Variants in BTRC observed in about 807,000 individuals in gnomAD.
BTRC encodes the protein beta-transducin repeat containing E3 ubiquitin protein ligase, also known as F-box/WD repeat-containing protein 1A.
In BTRC, 42 loss-of-function variants were observed where a neutral mutation model predicts 85.5. The observed-to-expected ratio is 0.49, with a 90% CI of 0.38 to 0.64. The LOEUF (loss-of-function observed/expected upper bound fraction) is 0.64, where lower values mean the gene tolerates loss of function less well. BTRC is among the 30% of genes least tolerant of loss of function. The pLI, the probability that BTRC is intolerant of heterozygous loss-of-function variation, is 0.00. For synonymous variants in BTRC, 255 were observed against 263.3 expected (o/e 0.97, Z 0.30); for missense variants, 594 against 743.5 (o/e 0.80, Z 2.34).
intron 9 of BTRC, among the ~76,000 whole-genome samples, chr10:101,534,070 C>A (rs2062344139): frequency 6.6e-6 from 1 of 152,090 alleles, no homozygotes; most frequent in Non-Finnish European, 1.5e-5. Flanking sequence ...TATAATCACA[C>A]AAAATTCTCA....
intron 4 of BTRC, among the ~76,000 whole-genome samples, chr10:101,501,211 C>T (rs1946393207): frequency 1.3e-5 from 2 of 151,766 alleles, no homozygotes; most frequent in Non-Finnish European, 2.9e-5. Flanking sequence ...GAGGTGTATG[C>T]TTAAACGCCA....
chr10:101,460,679 C>T (rs1473485373), intron 2 of BTRC, among the ~76,000 whole-genome samples: 2 of 152,132 alleles, frequency 1.3e-5, no homozygotes, highest in African/African-American at 4.8e-5. Flanking sequence ...TTTTTTATCT[C>T]TCAGTATCTT....
intron 2 of BTRC, among the ~76,000 whole-genome samples, chr10:101,453,949 C>T (rs574608069): frequency 6.6e-6 from 1 of 152,216 alleles, no homozygotes; most frequent in South Asian, 2.1e-4. Flanking sequence ...ACAGACAAAT[C>T]GTAAATGGAT....
chr10:101,394,968 C>T (rs992877658), intron 1 of BTRC, among the ~76,000 whole-genome samples: 1 of 152,146 alleles, frequency 6.6e-6, no homozygotes, highest in African/African-American at 2.4e-5. Context: ...GATAATTCAC[C>T]AATCCTGTCA....
chr10:101,534,311 A>G (rs1454765144), intron 9 of BTRC, among the ~76,000 whole-genome samples: 4 of 152,188 alleles, frequency 2.6e-5, no homozygotes, highest in Admixed American at 6.5e-5. Context: ...CTGGCTCCTG[A>G]GGGCTATCAT....
chr10:101,527,642 C>T (rs1021474699), intron 6 of BTRC, among the ~76,000 whole-genome samples: 3 of 151,988 alleles, frequency 2.0e-5, no homozygotes, highest in Admixed American at 6.6e-5. Flanking sequence ...TAATCCCAGC[C>T]ACTCAGGAGG....
intron 3 of BTRC, among the ~76,000 whole-genome samples, chr10:101,472,713 G>A (rs1378409352): frequency 6.6e-6 from 1 of 152,158 alleles, no homozygotes; most frequent in African/African-American, 2.4e-5. Context: ...TACTTGGGAG[G>A]CTGAGGCAGG....
intron 1 of BTRC, among the ~76,000 whole-genome samples, chr10:101,382,680 T>C (rs1942966164): frequency 6.6e-6 from 1 of 152,202 alleles, no homozygotes; most frequent in African/African-American, 2.4e-5. Flanking sequence ...ACTTGGAGAC[T>C]GTGTAAATAT....
rs1487715702 is a variant in BTRC, at chr10:101,405,363, T to C, written c.49-24982T>C. ...GTTTTAGCCTTCTTTGGGTCTCTGC[T>C]TCTGCTGTGGCTTTCCTCATGGAAT... is the stretch of plus-strand genomic sequence containing the variant. On this transcript the variant is annotated intron_variant, in intron 1 of 14. Coordinates refer to ENST00000370187, the MANE Select transcript of BTRC (RefSeq NM_033637.4). 2.0e-5 allele frequency among the ~76,000 whole-genome samples: 3 copies of C among 152,346 alleles called. No homozygotes were observed. In the East Asian group the frequency reaches 5.8e-4, roughly 29 times the overall value.
At chr10:101,375,256 C>T (rs1204502065) in intron 1 of BTRC, among the ~76,000 whole-genome samples, 1 of 152,104 alleles carries the variant, frequency 6.6e-6, no homozygotes, top group African/African-American at 2.4e-5. Context: ...AAGTGTGTGG[C>T]ACCTTCTCTG....
At chr10:101,447,803 G>A (rs889249566) in intron 2 of BTRC, among the ~76,000 whole-genome samples, 2 of 151,900 alleles carry the variant, frequency 1.3e-5, no homozygotes, top group Admixed American at 1.3e-4. Flanking sequence ...GTGCTACAAC[G>A]ATTATTAAAT....
At chr10:101,487,491 G>A (rs563975682) in intron 4 of BTRC, among the ~76,000 whole-genome samples, 6 of 152,288 alleles carry the variant, frequency 3.9e-5, no homozygotes, top group African/African-American at 1.2e-4. Flanking sequence ...CAGTGTCTGG[G>A]TTTAACTAAT....
At chr10:101,418,047 A>G (rs1589442625) in intron 1 of BTRC, among the ~76,000 whole-genome samples, 1 of 152,162 alleles carries the variant, frequency 6.6e-6, no homozygotes, top group Admixed American at 6.5e-5. Context: ...ATAACAAATT[A>G]CCTCAAATTG....
chr10:101,467,067 A>G (rs1377257692), intron 3 of BTRC, among the ~76,000 whole-genome samples: 7 of 152,214 alleles, frequency 4.6e-5, no homozygotes, highest in Admixed American at 4.6e-4. Flanking sequence ...AAAGTCATTC[A>G]TAAGCCAGTG....
intron 1 of BTRC, among the ~76,000 whole-genome samples, chr10:101,397,212 T>C (rs1352245258): frequency 1.3e-5 from 2 of 152,198 alleles, no homozygotes; most frequent in Non-Finnish European, 2.9e-5. Context: ...AAGAATACAA[T>C]CCTAAAATAA....
intron 8 of BTRC, among the ~76,000 whole-genome samples, chr10:101,532,713 T>C (rs1037869675): frequency 5.3e-5 from 8 of 150,676 alleles, no homozygotes; most frequent in African/African-American, 2.0e-4. Context: ...TGTTCCTTAA[T>C]GAAAAGGATA....
chr10:101,386,703 C>T (rs1943088285), intron 1 of BTRC, among the ~76,000 whole-genome samples: 1 of 152,136 alleles, frequency 6.6e-6, no homozygotes, highest in Non-Finnish European at 1.5e-5. Flanking sequence ...GAATTAGAGC[C>T]CACATTTCCT....
chr10:101,525,261 T>G (rs1027561916), intron 5 of BTRC, among the ~76,000 whole-genome samples: 1 of 152,208 alleles, frequency 6.6e-6, no homozygotes, highest in African/African-American at 2.4e-5. Context: ...TCTCCACTGT[T>G]TTCCTCTGCA....
intron 1 of BTRC, among the ~76,000 whole-genome samples, chr10:101,373,962 A>G (rs1052548143): frequency 1.3e-5 from 2 of 152,090 alleles, no homozygotes; most frequent in African/African-American, 4.8e-5. Flanking sequence ...AAGATGGTCA[A>G]AGTGATAGAA....
Sources: gnomAD v4.1 joint callset for allele counts (sites outside exome capture counted in the v4.1 genomes callset) on GRCh38, gnomAD v4.1.1 for gene constraint, MANE v1.5 for transcripts, NCBI Gene and HGNC (gene_info 2026-07-23, HGNC 2026-07-21) for gene names.